MTMR9: variants seen among roughly 807,000 people sequenced by gnomAD.
MTMR9 encodes myotubularin-related protein 9.
MTMR9 carries 39 observed loss-of-function variants against 69.5 expected under a neutral mutation model. The ratio of observed to expected loss-of-function variants is 0.56; its 90% CI spans 0.43 to 0.73. MTMR9 has a LOEUF of 0.73. Among genes scored for constraint, MTMR9 ranks in the 30% least tolerant of loss-of-function variants. The pLI, the probability that MTMR9 is intolerant of heterozygous loss-of-function variation, is 0.00. For missense variants in MTMR9, 900 were observed against 671.2 expected (o/e 1.34, Z -3.77); for synonymous variants, 354 against 240.8 (o/e 1.47, Z -4.35).
intron 5 of MTMR9, among the ~76,000 whole-genome samples, chr8:11,308,606 T>G (rs1176382316): frequency 6.6e-6 from 1 of 152,240 alleles, no homozygotes; most frequent in East Asian, 1.9e-4. Context: ...ATCCATTTCT[T>G]CTAGATTATC....
At chr8:11,289,618 C>T (rs1227692598) in intron 1 of MTMR9, among the ~76,000 whole-genome samples, 5 of 152,054 alleles carry the variant, frequency 3.3e-5, no homozygotes, top group Admixed American at 2.6e-4. Flanking sequence ...ACTCCCGTTT[C>T]CTGCCTCATC....
chr8:11,331,577 C>T (rs191345248), downstream of MTMR9: 78 of 1,613,288 alleles, frequency 4.8e-5, no homozygotes, highest in East Asian at 1.2e-3. Flanking sequence ...TCGGTGGCTA[C>T]GAGTGGTGTG....
intron 6 of MTMR9, among the ~76,000 whole-genome samples, chr8:11,310,085 G>A (rs1026791846): frequency 1.3e-5 from 2 of 152,184 alleles, no homozygotes; most frequent in Admixed American, 1.3e-4. Context: ...GAAAGGAAAC[G>A]TAATTTTGTT....
At chr8:11,288,655 G>A (rs1443649909) in intron 1 of MTMR9, among the ~76,000 whole-genome samples, 2 of 152,216 alleles carry the variant, frequency 1.3e-5, no homozygotes, top group South Asian at 2.1e-4. Flanking sequence ...AGTACAGGAA[G>A]TTGATGGTAG....
the MTMR9 span, among the ~76,000 whole-genome samples, chr8:11,338,270 T>C: frequency 2.6e-5 from 4 of 152,300 alleles, no homozygotes; most frequent in East Asian, 7.7e-4. Context: ...ATTGCATGAA[T>C]TCATTATATG....
At chr8:11,299,064 A>C (rs1483666256) in intron 2 of MTMR9, among the ~76,000 whole-genome samples, 2 of 152,338 alleles carry the variant, frequency 1.3e-5, no homozygotes, top group East Asian at 3.9e-4. Context: ...GCGGTGGCTC[A>C]CACATGTAAT....
intron 8 of MTMR9, chr8:11,318,545 T>TA (rs1467795417): frequency 2.0e-5 from 3 of 152,224 alleles, no homozygotes; most frequent in Admixed American, 6.5e-5. Context: ...AACTGAGTCT[T>TA]ATGAGAATTG....
At chr8:11,285,227 C>G in intron 1 of MTMR9, 157 bp downstream of exon 1, 1 of 686,884 alleles carries the variant, frequency 1.5e-6, no homozygotes, top group South Asian at 2.1e-5. Flanking sequence ...AAGCTGAAAC[C>G]CGTCCAGATG....
Position 11,326,294 on chromosome 8 carries a change from A to G in MTMR9, c.*3506A>G, listed in dbSNP as rs746663931. 1.3e-5 allele frequency: 2 copies of G among 152,198 alleles called. No homozygotes were observed. The highest frequency in any genetic ancestry group is 2.9e-5 in the Non-Finnish European group (2 of 68,044). 9.4% of individuals were successfully genotyped at this position (152,198 alleles called of 1,614,324 possible). A position where few individuals can be genotyped will look rare whatever the true frequency, so the allele number is the denominator to read the frequency against. Reference sequence around the variant, plus strand: ...CTTAATCTGGGATAAAGGTTTTGGTATTTGCCCACTTCTAGATAGAATGAA... The same window carrying G: ...CTTAATCTGGGATAAAGGTTTTGGTGTTTGCCCACTTCTAGATAGAATGAA... On this transcript the variant is annotated 3_prime_UTR_variant, in exon 10 of 10. Coordinates refer to ENST00000221086, the MANE Select transcript of MTMR9 (RefSeq NM_015458.4).
At chr8:11,295,723 G>A (rs1799531995) in intron 2 of MTMR9, among the ~76,000 whole-genome samples, 1 of 152,180 alleles carries the variant, frequency 6.6e-6, no homozygotes, top group South Asian at 2.1e-4. Flanking sequence ...AAAGCTCTGT[G>A]CCAAAGACTG....
At chr8:11,316,977 C>T (rs191465703) in intron 8 of MTMR9, 84 bp downstream of exon 8, 4 of 730,276 alleles carry the variant, frequency 5.5e-6, no homozygotes, top group East Asian at 5.3e-5. Context: ...TAGGAGACGA[C>T]GATTTGGATC....
Position 11,322,770 on chromosome 8 carries a change from G to A in MTMR9, c.1632G>A (p.Gly544=). 1.2e-6 allele frequency: 2 copies of A among 1,613,940 alleles called. No individual in the cohort carries two copies. The highest frequency in any genetic ancestry group is 1.1e-5 in the South Asian group (1 of 91,048). The part of the protein sequence containing the change: ...RQLAELETED[G]MQESP The stretch of plus-strand genomic sequence containing the variant: ...TGGCAGAACTGGAAACAGAGGACGG[G>A]ATGCAGGAGAGTCCCTGAAAGGTCT... Residue 544 remains glycine, a synonymous_variant, in exon 10 of 10, where the codon GGG becomes GGA. Coordinates refer to ENST00000221086, the MANE Select transcript of MTMR9 (RefSeq NM_015458.4).
intron 9 of MTMR9, 106 bp from the exon 10 acceptor site, chr8:11,322,519 A>G: frequency 1.1e-6 from 1 of 930,448 alleles, no homozygotes; most frequent in South Asian, 1.6e-5. Context: ...TGGCAACAAA[A>G]GAAAAAAGAA....
chr8:11,302,011 C>T (rs972962624), intron 3 of MTMR9, among the ~76,000 whole-genome samples: 4 of 151,896 alleles, frequency 2.6e-5, no homozygotes, highest in Admixed American at 6.6e-5. Flanking sequence ...AATCCTAGCA[C>T]TTAAGGAGGC....
downstream of MTMR9, among the ~76,000 whole-genome samples, chr8:11,332,436 A>T (rs1050423321): frequency 6.6e-6 from 1 of 152,134 alleles, no homozygotes; most frequent in African/African-American, 2.4e-5. Context: ...GAGTTAAAAG[A>T]CAACTAAATG....
rs142247929 is a variant in MTMR9, at chr8:11,298,540, G to A, written c.292-1483G>A. On this transcript the variant is annotated intron_variant, in intron 2 of 9. Transcript: ENST00000221086. ...TGCTACACTGCTGAGCTGTATGTCCGGTCTACTATTGAATAGTCATGGGCC... is the reference window on the plus strand; with the variant it reads ...TGCTACACTGCTGAGCTGTATGTCCAGTCTACTATTGAATAGTCATGGGCC... 9.2e-5 allele frequency among the ~76,000 whole-genome samples: 14 copies of A among 152,012 alleles called. 1 individual carries two copies. The East Asian group carries it at 1.5e-3, about 17-fold the overall frequency.
chr8:11,306,441 T>C (rs755250750), intron 5 of MTMR9, 34 bp downstream of exon 5: 9 of 1,586,016 alleles, frequency 5.7e-6, no homozygotes, highest in Non-Finnish European at 7.8e-6. Context: ...AGACTCTTAT[T>C]AGAAGCTAAT....
chr8:11,304,281 C>T (rs1799857527), intron 3 of MTMR9, among the ~76,000 whole-genome samples: 1 of 151,904 alleles, frequency 6.6e-6, no homozygotes, highest in Non-Finnish European at 1.5e-5. Context: ...TTAAAATAAA[C>T]AAAGGGTTTG....
chr8:11,295,102 A>T (rs1799504495), intron 1 of MTMR9, 92 bp from the exon 2 acceptor site: 1 of 673,408 alleles, frequency 1.5e-6, no homozygotes, highest in Non-Finnish European at 2.5e-6. Flanking sequence ...TATAGATGGT[A>T]ACTACAACTA....
Sources: gnomAD v4.1 joint callset for allele counts (sites outside exome capture counted in the v4.1 genomes callset) on GRCh38, gnomAD v4.1.1 for gene constraint, MANE v1.5 for transcripts, NCBI Gene and HGNC (gene_info 2026-07-23, HGNC 2026-07-21) for gene names.